The following ENTREP2 variants were observed in gnomAD, a reference collection of about 807,000 sequenced individuals.
ENTREP2 encodes the protein protein ENTREP2.
chr15:29,181,563 C>A, the ENTREP2 span, among the ~76,000 whole-genome samples: 3 of 151,802 alleles, frequency 2.0e-5, no homozygotes, highest in African/African-American at 7.3e-5. Flanking sequence ...AATATTGTGC[C>A]TAAGTTTTAT....
At chr15:29,507,197 G>T in the ENTREP2 span, among the ~76,000 whole-genome samples, 1 of 152,170 alleles carries the variant, frequency 6.6e-6, no homozygotes, top group East Asian at 1.9e-4. Flanking sequence ...AATGCAACAA[G>T]AAGAGCTAAC....
the ENTREP2 span, among the ~76,000 whole-genome samples, chr15:29,404,895 C>T: frequency 6.6e-6 from 1 of 151,982 alleles, no homozygotes; most frequent in Non-Finnish European, 1.5e-5. Context: ...CTCCCCCACC[C>T]AATCTCACTC....
At chr15:29,124,478 A>T in the ENTREP2 span, among the ~76,000 whole-genome samples, 1 of 152,188 alleles carries the variant, frequency 6.6e-6, no homozygotes, top group Non-Finnish European at 1.5e-5. Context: ...GAGCAGTCAC[A>T]GGTGTGTTAA....
the ENTREP2 span, among the ~76,000 whole-genome samples, chr15:29,384,215 T>G: frequency 6.6e-6 from 1 of 152,212 alleles, no homozygotes; most frequent in South Asian, 2.1e-4. Context: ...GTTTGACATT[T>G]CAGACCCTGA....
chr15:29,383,227 G>A, the ENTREP2 span, among the ~76,000 whole-genome samples: 24,604 of 152,084 alleles, frequency 0.16, 2,108 homozygotes, highest in South Asian at 0.28. Context: ...GCATCACACC[G>A]TCCACAGGCT....
At chr15:29,293,360 C>T in the ENTREP2 span, among the ~76,000 whole-genome samples, 1 of 152,154 alleles carries the variant, frequency 6.6e-6, no homozygotes, top group South Asian at 2.1e-4. Flanking sequence ...ACGCCATTCT[C>T]CCTCAGCCTC....
the ENTREP2 span, among the ~76,000 whole-genome samples, chr15:29,594,266 G>A: frequency 6.6e-6 from 1 of 152,232 alleles, no homozygotes; most frequent in Admixed American, 6.5e-5. Flanking sequence ...TCCTGAATAA[G>A]GTCTATTAGT....
chr15:29,647,599 T>TC, the ENTREP2 span, among the ~76,000 whole-genome samples: 14 of 152,316 alleles, frequency 9.2e-5, no homozygotes, highest in African/African-American at 2.6e-4. Context: ...TTTTCTTTAT[T>TC]TAGAATGACT....
chr15:29,364,397 T>A, the ENTREP2 span, among the ~76,000 whole-genome samples: 1 of 152,152 alleles, frequency 6.6e-6, no homozygotes, highest in Non-Finnish European at 1.5e-5. Context: ...CACTGGGGTG[T>A]CATAAGAAGT....
At chr15:29,170,857 T>C in the ENTREP2 span, among the ~76,000 whole-genome samples, 1 of 152,216 alleles carries the variant, frequency 6.6e-6, no homozygotes, top group Admixed American at 6.5e-5. Context: ...CCTGTCTTAG[T>C]CTATTTTCTG....
the ENTREP2 span, among the ~76,000 whole-genome samples, chr15:29,207,251 G>A: frequency 4.0e-4 from 61 of 152,294 alleles, no homozygotes; most frequent in African/African-American, 1.4e-3. Flanking sequence ...CATTTGGACT[G>A]GCATTGTGTC....
chr15:29,170,939 C>T, the ENTREP2 span, among the ~76,000 whole-genome samples: 1 of 152,188 alleles, frequency 6.6e-6, no homozygotes, highest in African/African-American at 2.4e-5. Context: ...GTTCTGGAGG[C>T]TGGGAAGTCC....
the ENTREP2 span, among the ~76,000 whole-genome samples, chr15:29,273,865 C>T: frequency 6.6e-6 from 1 of 152,126 alleles, no homozygotes; most frequent in Non-Finnish European, 1.5e-5. Context: ...GGGTCTTCAG[C>T]CACAGACTGA....
chr15:29,553,070 C>A, the ENTREP2 span, among the ~76,000 whole-genome samples: 1 of 152,176 alleles, frequency 6.6e-6, no homozygotes, highest in African/African-American at 2.4e-5. Flanking sequence ...CCAAGGCGGG[C>A]AGATCGTTTG....
At chr15:29,129,042 C>G in the ENTREP2 span, among the ~76,000 whole-genome samples, 2 of 152,170 alleles carry the variant, frequency 1.3e-5, no homozygotes, top group Non-Finnish European at 2.9e-5. Context: ...TCAAGTTGCC[C>G]TTGCCAAGGC....
At chr15:29,463,989 T>C in the ENTREP2 span, among the ~76,000 whole-genome samples, 3 of 152,156 alleles carry the variant, frequency 2.0e-5, no homozygotes, top group African/African-American at 7.2e-5. Context: ...GCCACTCATA[T>C]GAGTTGCCCA....
At chr15:29,150,715 G>A in the ENTREP2 span, among the ~76,000 whole-genome samples, 5 of 152,232 alleles carry the variant, frequency 3.3e-5, no homozygotes, top group East Asian at 1.9e-4. Context: ...AATTTTTAAC[G>A]TCTTGGTAAT....
chr15:29,588,061 C>G, the ENTREP2 span, among the ~76,000 whole-genome samples: 1 of 152,158 alleles, frequency 6.6e-6, no homozygotes, highest in Non-Finnish European at 1.5e-5. Flanking sequence ...GATACAGGCA[C>G]TGAGCATCGA....
At chr15:29,340,721 T>C in the ENTREP2 span, among the ~76,000 whole-genome samples, 2 of 152,118 alleles carry the variant, frequency 1.3e-5, no homozygotes, top group Non-Finnish European at 2.9e-5. Flanking sequence ...TACTAATACA[T>C]TGAAAAAATA....
Sources: gnomAD v4.1 joint callset for allele counts (sites outside exome capture counted in the v4.1 genomes callset) on GRCh38, gnomAD v4.1.1 for gene constraint, MANE v1.5 for transcripts, NCBI Gene and HGNC (gene_info 2026-07-23, HGNC 2026-07-21) for gene names.